ANK2: variants seen among roughly 807,000 people sequenced by gnomAD.
ANK2 encodes ankyrin-2.
Under a neutral mutation model 360.5 loss-of-function variants are expected in ANK2, and 83 were observed. The observed-to-expected ratio is 0.23, with a 90% CI of 0.19 to 0.28. The LOEUF (loss-of-function observed/expected upper bound fraction) is 0.28. Among genes scored for constraint, ANK2 ranks in the 10% least tolerant of loss-of-function variants. ANK2 has a pLI of 1.00. For missense variants in ANK2, 4,201 were observed against 4,795.7 expected (o/e 0.88, Z 3.66); for synonymous variants, 1,740 against 1,759.5 (o/e 0.99, Z 0.28).
At chr4:113,294,970 C>A (rs1445712950) in intron 22 of ANK2, among the ~76,000 whole-genome samples, 1 of 152,146 alleles carries the variant, frequency 6.6e-6, no homozygotes, top group Non-Finnish European at 1.5e-5. Context: ...ATACGTGAAG[C>A]CTTTAGTGGC....
chr4:113,381,641 G>T lies in ANK2; in HGVS notation c.*170G>T. The T allele has an allele frequency of 6.5e-7, 1 of 1,547,540 alleles. No homozygotes were observed. The highest frequency in any genetic ancestry group is 1.4e-5 in the African/African-American group (1 of 73,252). On this transcript the variant is annotated 3_prime_UTR_variant, in exon 46 of 46. Coordinates refer to ENST00000357077, the MANE Select transcript of ANK2 (RefSeq NM_001148.6). ...GGACTTGAAGCAAGAGGCCAAGTGA[G>T]GGGCTGCCCAGTTCTCACACCAGAA...
At chr4:112,999,916 GAC>G (rs1317611366) in intron 2 of ANK2, among the ~76,000 whole-genome samples, 3 of 152,110 alleles carry the variant, frequency 2.0e-5, no homozygotes, top group Non-Finnish European at 4.4e-5. Context: ...AATTAAGAGT[GAC>G]AGAGAGGAAA....
intron 1 of ANK2, among the ~76,000 whole-genome samples, chr4:113,134,012 C>T (rs1003977139): frequency 6.6e-6 from 1 of 152,050 alleles, no homozygotes; most frequent in Non-Finnish European, 1.5e-5. Flanking sequence ...ATTTACACTA[C>T]AGCAAGGTCC....
intron 2 of ANK2, among the ~76,000 whole-genome samples, chr4:113,004,715 C>G (rs57839231): frequency 9.3e-4 from 141 of 152,304 alleles, no homozygotes; most frequent in African/African-American, 3.3e-3. Flanking sequence ...GTTTTATATA[C>G]TGTACCTAAT....
chr4:112,868,478 A>G (rs568716486), intron 1 of ANK2, among the ~76,000 whole-genome samples: 1 of 152,218 alleles, frequency 6.6e-6, no homozygotes, highest in Admixed American at 6.5e-5. Context: ...TAATGAATTC[A>G]CTCCAGTGAT....
At chr4:112,992,093 C>G (rs1314207563) in intron 2 of ANK2, among the ~76,000 whole-genome samples, 1 of 151,834 alleles carries the variant, frequency 6.6e-6, no homozygotes, top group East Asian at 1.9e-4. Context: ...TATTATGAAC[C>G]TCAAAACTCC....
intron 7 of ANK2, among the ~76,000 whole-genome samples, chr4:113,240,265 T>C (rs2039056172): frequency 6.6e-6 from 1 of 152,194 alleles, no homozygotes. Flanking sequence ...ATTAAAAATA[T>C]GCCATGAATA....
chr4:113,098,814 A>C (rs1220633801), intron 1 of ANK2, among the ~76,000 whole-genome samples: 1 of 151,994 alleles, frequency 6.6e-6, no homozygotes, highest in East Asian at 1.9e-4. Context: ...TTATCAAGTG[A>C]GATTTATTCT....
intron 14 of ANK2, among the ~76,000 whole-genome samples, chr4:113,267,112 G>A (rs780942765): frequency 2.6e-5 from 4 of 152,130 alleles, no homozygotes; most frequent in African/African-American, 4.8e-5. Context: ...GTTTTTTCTC[G>A]TAAATTTGTT....
intron 2 of ANK2, among the ~76,000 whole-genome samples, chr4:113,024,649 T>A (rs1481509085): frequency 1.3e-5 from 2 of 152,192 alleles, no homozygotes; most frequent in African/African-American, 2.4e-5. Flanking sequence ...AATGACTGTA[T>A]AACTTGTTCC....
intron 23 of ANK2, among the ~76,000 whole-genome samples, chr4:113,307,320 A>G (rs930498122): frequency 6.6e-6 from 1 of 151,848 alleles, no homozygotes; most frequent in Non-Finnish European, 1.5e-5. Flanking sequence ...AGCAGGAATA[A>G]TGCTTGCTTG....
At chr4:113,028,367 A>G (rs1234657267) in intron 2 of ANK2, among the ~76,000 whole-genome samples, 1 of 152,136 alleles carries the variant, frequency 6.6e-6, no homozygotes, top group East Asian at 1.9e-4. Flanking sequence ...GCAAGTTAGA[A>G]AAATGCAGAG....
intron 1 of ANK2, among the ~76,000 whole-genome samples, chr4:112,879,719 C>T (rs545420262): frequency 5.3e-5 from 8 of 152,274 alleles, no homozygotes; most frequent in Admixed American, 3.9e-4. Context: ...TAACTAAAAG[C>T]AACCACAAAG....
chr4:112,875,483 C>CATTTATTT (rs71582152), intron 1 of ANK2, among the ~76,000 whole-genome samples: 15,494 of 148,600 alleles, frequency 0.1, 945 homozygotes, highest in African/African-American at 0.15. Context: ...AGGCTAATTA[C>CATTTATTT]ATTTATTTAT....
the ANK2 span, among the ~76,000 whole-genome samples, chr4:112,775,546 A>ACACACACACAC: frequency 1.3e-3 from 11 of 8,752 alleles, no homozygotes; most frequent in East Asian, 3.8e-3. Context: ...CACACACACA[A>ACACACACACAC]GAAAAAAAAT....
At chr4:113,263,180 T>C in intron 13 of ANK2, among the ~76,000 whole-genome samples, 1 of 131,064 alleles carries the variant, frequency 7.6e-6, no homozygotes, top group Admixed American at 8.1e-5. Context: ...AGAGCAAGAC[T>C]CTGTCTGAAA....
chr4:112,875,400 A>T (rs2074734113), intron 1 of ANK2, among the ~76,000 whole-genome samples: 1 of 151,474 alleles, frequency 6.6e-6, no homozygotes, highest in South Asian at 2.1e-4. Flanking sequence ...TGCACCCTTG[A>T]ACTCCTGGTT....
intron 1 of ANK2, among the ~76,000 whole-genome samples, chr4:112,903,067 G>T (rs2083971729): frequency 6.6e-6 from 1 of 152,136 alleles, no homozygotes. Flanking sequence ...GAAAATCCAG[G>T]AATTGTTTCA....
chr4:113,019,395 T>C (rs1332948876), intron 2 of ANK2, among the ~76,000 whole-genome samples: 2 of 152,176 alleles, frequency 1.3e-5, no homozygotes, highest in African/African-American at 2.4e-5. Flanking sequence ...TTAAATGTTG[T>C]TATTTGCTTT....
Sources: allele counts gnomAD v4.1 joint callset (sites outside exome capture counted in the v4.1 genomes callset), GRCh38; gene constraint gnomAD v4.1.1; transcripts MANE v1.5; gene names NCBI Gene and HGNC (gene_info 2026-07-23, HGNC 2026-07-21).